ARHGAP24: variants seen among roughly 807,000 people sequenced by gnomAD.
ARHGAP24 encodes the protein Rho GTPase activating protein 24.
A neutral mutation model predicts 76.4 loss-of-function variants in ARHGAP24; 50 were observed. The ratio of observed to expected loss-of-function variants is 0.65; its 90% CI spans 0.52 to 0.83. ARHGAP24 has a LOEUF of 0.83. Ranked by LOEUF, ARHGAP24 falls within the 40% of genes least tolerant of loss-of-function variation. ARHGAP24 has a pLI of 0.00. For synonymous variants in ARHGAP24, 345 were observed against 323.3 expected (o/e 1.07, Z -0.72); for missense variants, 930 against 914.2 (o/e 1.02, Z -0.22).
chr4:85,525,676 G>A (rs1018757128), intron 1 of ARHGAP24, among the ~76,000 whole-genome samples: 10 of 152,094 alleles, frequency 6.6e-5, no homozygotes, highest in Non-Finnish European at 1.2e-4. Context: ...AATCACCACA[G>A]TCAGTCTTTT....
At chr4:85,671,563 T>G (rs1477409429) in intron 2 of ARHGAP24, among the ~76,000 whole-genome samples, 26 of 152,252 alleles carry the variant, frequency 1.7e-4, no homozygotes, top group Non-Finnish European at 2.9e-5. Flanking sequence ...GAGGTATATA[T>G]AAAGAGAGGT....
intron 2 of ARHGAP24, among the ~76,000 whole-genome samples, chr4:85,633,258 G>C (rs1174389593): frequency 1.3e-5 from 2 of 151,838 alleles, no homozygotes. Context: ...TTATCTGTCA[G>C]TCTGATTGTA....
At chr4:85,502,871 T>A (rs892656053) in intron 1 of ARHGAP24, among the ~76,000 whole-genome samples, 1 of 152,226 alleles carries the variant, frequency 6.6e-6, no homozygotes. Context: ...AAATAGTTCT[T>A]ATTATTTTGA....
intron 3 of ARHGAP24, among the ~76,000 whole-genome samples, chr4:85,897,906 C>T (rs554658322): frequency 4.6e-5 from 7 of 151,534 alleles, no homozygotes; most frequent in African/African-American, 9.7e-5. Context: ...TGTGTGGCTG[C>T]GTCCATTGTG....
chr4:85,974,793 C>T (rs1217376225), intron 6 of ARHGAP24, 95 bp from the exon 7 acceptor site: 3 of 1,158,690 alleles, frequency 2.6e-6, no homozygotes, highest in Admixed American at 1.9e-5. Flanking sequence ...ACATGTGAAA[C>T]TAATTTTTTA....
chr4:85,626,053 A>G (rs570917762), intron 2 of ARHGAP24, among the ~76,000 whole-genome samples: 39 of 152,188 alleles, frequency 2.6e-4, no homozygotes, highest in Admixed American at 1.6e-3. Context: ...TTTAATTGGA[A>G]CATTTAGTCC....
chr4:85,949,164 T>A (rs950019675), intron 5 of ARHGAP24, among the ~76,000 whole-genome samples: 1 of 152,178 alleles, frequency 6.6e-6, no homozygotes, highest in Non-Finnish European at 1.5e-5. Context: ...TAGCAATTTT[T>A]TTCCCCTGTT....
intron 3 of ARHGAP24, among the ~76,000 whole-genome samples, chr4:85,761,868 C>T (rs1165776331): frequency 6.6e-6 from 1 of 152,190 alleles, no homozygotes; most frequent in Non-Finnish European, 1.5e-5. Flanking sequence ...GCACAGCTTT[C>T]ACTGAACCAA....
intron 2 of ARHGAP24, among the ~76,000 whole-genome samples, chr4:85,573,439 G>C (rs572253940): frequency 1.3e-5 from 2 of 152,234 alleles, no homozygotes; most frequent in East Asian, 1.9e-4. Flanking sequence ...ACTGTTAATA[G>C]CATATTTTTG....
intron 1 of ARHGAP24, among the ~76,000 whole-genome samples, chr4:85,487,849 T>C (rs1169695720): frequency 1.6e-5 from 2 of 123,534 alleles, no homozygotes; most frequent in African/African-American, 6.3e-5. Flanking sequence ...TATAAATATA[T>C]ATTTATTATA....
intron 3 of ARHGAP24, among the ~76,000 whole-genome samples, chr4:85,882,357 G>A (rs894998950): frequency 6.6e-6 from 1 of 152,000 alleles, no homozygotes; most frequent in Non-Finnish European, 1.5e-5. Flanking sequence ...GTCTCTAGTG[G>A]GTACTTAATC....
chr4:85,936,790 G>C (rs892969893), intron 4 of ARHGAP24, among the ~76,000 whole-genome samples: 4 of 152,090 alleles, frequency 2.6e-5, no homozygotes, highest in Admixed American at 2.6e-4. Flanking sequence ...ACAGGATAAG[G>C]TTTCCTACAC....
chr4:85,672,288 G>A (rs911556017), intron 2 of ARHGAP24, among the ~76,000 whole-genome samples: 2 of 152,152 alleles, frequency 1.3e-5, no homozygotes, highest in African/African-American at 4.8e-5. Flanking sequence ...TCAATTTCCG[G>A]CTATAAACCT....
chr4:85,505,854 T>C (rs1230660173), intron 1 of ARHGAP24, among the ~76,000 whole-genome samples: 1 of 152,128 alleles, frequency 6.6e-6, no homozygotes, highest in Non-Finnish European at 1.5e-5. Flanking sequence ...CCCATCTTTG[T>C]GGTTTTATCT....
At chr4:85,693,101 C>G (rs974592866) in intron 2 of ARHGAP24, among the ~76,000 whole-genome samples, 1 of 152,100 alleles carries the variant, frequency 6.6e-6, no homozygotes, top group African/African-American at 2.4e-5. Context: ...GGACTGTGAT[C>G]CAGTAGATGG....
chr4:85,573,383 T>C (rs1415963183), intron 2 of ARHGAP24, among the ~76,000 whole-genome samples: 1 of 152,190 alleles, frequency 6.6e-6, no homozygotes, highest in Non-Finnish European at 1.5e-5. Flanking sequence ...GCCTAATTTC[T>C]TCCCTTAAAA....
intron 2 of ARHGAP24, among the ~76,000 whole-genome samples, chr4:85,715,454 C>T (rs1390887653): frequency 6.6e-6 from 1 of 151,944 alleles, no homozygotes; most frequent in African/African-American, 2.4e-5. Context: ...GTACAAACTT[C>T]GCATGTATTA....
rs115683356 is a variant in ARHGAP24 at position 85,659,045 on chromosome 4, C to A, written c.181-62840C>A. On this transcript the variant is annotated intron_variant, in intron 2 of 9. Transcript: ENST00000395184. ...TTAACTGAAGGTGATTTTTCTCTCCCAGGAATATTTGACAACGTCTGGAGA... is the reference window on the plus strand; with the variant it reads ...TTAACTGAAGGTGATTTTTCTCTCCAAGGAATATTTGACAACGTCTGGAGA... Among the ~76,000 whole-genome samples the A allele has an allele frequency of 7.4e-3, 1,131 of 152,226 alleles. 13 individuals are homozygous for A. The highest frequency in any genetic ancestry group is 0.026 in the African/African-American group (1,077 of 41,542).
chr4:85,776,976 C>T (rs954915407), intron 3 of ARHGAP24, among the ~76,000 whole-genome samples: 4 of 152,188 alleles, frequency 2.6e-5, no homozygotes, highest in African/African-American at 9.7e-5. Context: ...CAACTCTTGT[C>T]ACATTTGACA....
Sources: gnomAD v4.1 joint callset for allele counts (sites outside exome capture counted in the v4.1 genomes callset) on GRCh38, gnomAD v4.1.1 for gene constraint, MANE v1.5 for transcripts, NCBI Gene and HGNC (gene_info 2026-07-23, HGNC 2026-07-21) for gene names.